Variants in ARB2A observed in about 807,000 individuals in gnomAD.
The protein encoded by ARB2A is ARB2 cotranscriptional regulator A.
At chr5:93,846,972 G>C in the ARB2A span, among the ~76,000 whole-genome samples, 2 of 152,164 alleles carry the variant, frequency 1.3e-5, no homozygotes, top group African/African-American at 4.8e-5. Flanking sequence ...TTTACCCACA[G>C]TAGAACTTCT....
chr5:93,938,303 CA>C, the ARB2A span, among the ~76,000 whole-genome samples: 30 of 151,726 alleles, frequency 2.0e-4, no homozygotes, highest in Admixed American at 1.2e-3. Flanking sequence ...AATTTAATCA[CA>C]AAAAAAAGTT....
chr5:94,096,150 CA>C, the ARB2A span, among the ~76,000 whole-genome samples: 4 of 152,098 alleles, frequency 2.6e-5, no homozygotes, highest in Admixed American at 6.5e-5. Flanking sequence ...ATAGTACAGG[CA>C]AAAATGATGA....
At chr5:93,927,111 T>C in the ARB2A span, among the ~76,000 whole-genome samples, 1 of 148,778 alleles carries the variant, frequency 6.7e-6, no homozygotes, top group Non-Finnish European at 1.5e-5. Flanking sequence ...AGCAAGTAAA[T>C]ATGTAAGTAG....
the ARB2A span, among the ~76,000 whole-genome samples, chr5:93,930,866 A>ACTT: frequency 6.6e-6 from 1 of 152,190 alleles, no homozygotes; most frequent in Non-Finnish European, 1.5e-5. Context: ...CAAGTGCAGA[A>ACTT]CGTGTAGGTT....
chr5:94,047,570 G>A, the ARB2A span, among the ~76,000 whole-genome samples: 1 of 151,952 alleles, frequency 6.6e-6, no homozygotes, highest in East Asian at 1.9e-4. Flanking sequence ...ACACAAATGT[G>A]AAAGCAGGCA....
At chr5:93,926,822 G>A in the ARB2A span, among the ~76,000 whole-genome samples, 5 of 151,588 alleles carry the variant, frequency 3.3e-5, no homozygotes, top group African/African-American at 9.7e-5. Flanking sequence ...GCCCAAGCAG[G>A]GCCATGATTG....
At chr5:93,957,399 C>T in the ARB2A span, among the ~76,000 whole-genome samples, 3 of 151,904 alleles carry the variant, frequency 2.0e-5, no homozygotes, top group Admixed American at 6.6e-5. Context: ...AATGTTCTTC[C>T]GAAAATACAT....
the ARB2A span, among the ~76,000 whole-genome samples, chr5:93,639,969 C>A: frequency 1.4e-5 from 2 of 147,032 alleles, no homozygotes; most frequent in South Asian, 2.2e-4. Context: ...GGCTTGAATC[C>A]GGGAGGCGGA....
At chr5:94,055,097 CA>C in the ARB2A span, among the ~76,000 whole-genome samples, 10 of 152,114 alleles carry the variant, frequency 6.6e-5, no homozygotes, top group African/African-American at 2.4e-4. Context: ...TAGGATGAGG[CA>C]AAAGTTCTCA....
chr5:94,030,722 C>G, the ARB2A span, among the ~76,000 whole-genome samples: 5 of 152,150 alleles, frequency 3.3e-5, no homozygotes, highest in Admixed American at 2.6e-4. Context: ...GGAGGTGGAG[C>G]CTTTAAGAGG....
the ARB2A span, among the ~76,000 whole-genome samples, chr5:93,686,646 T>C: frequency 6.6e-6 from 1 of 152,204 alleles, no homozygotes; most frequent in African/African-American, 2.4e-5. Flanking sequence ...TGTGTTTTCC[T>C]AATCTGCTAG....
At chr5:93,927,383 C>T in the ARB2A span, among the ~76,000 whole-genome samples, 1 of 152,152 alleles carries the variant, frequency 6.6e-6, no homozygotes, top group Admixed American at 6.5e-5. Flanking sequence ...CATTCTTCCC[C>T]AGCATAGGGA....
the ARB2A span, among the ~76,000 whole-genome samples, chr5:94,099,444 G>C: frequency 0.014 from 2,115 of 151,450 alleles, 54 homozygotes; most frequent in African/African-American, 0.048. Context: ...CTAACACGGA[G>C]AAACCCCGCC....
At chr5:94,072,877 CATT>C in the ARB2A span, among the ~76,000 whole-genome samples, 1 of 152,138 alleles carries the variant, frequency 6.6e-6, no homozygotes, top group Non-Finnish European at 1.5e-5. Context: ...TTACCATCTT[CATT>C]ATTACAGCAA....
chr5:93,881,357 AATG>A, the ARB2A span: 2 of 786,222 alleles, frequency 2.5e-6, no homozygotes, highest in Non-Finnish European at 3.9e-6. Flanking sequence ...ATGGGAAATA[AATG>A]ATGACAAATA....
the ARB2A span, among the ~76,000 whole-genome samples, chr5:94,106,300 T>TA: frequency 6.6e-6 from 1 of 151,044 alleles, no homozygotes; most frequent in African/African-American, 2.4e-5. Context: ...AAAAAACCCA[T>TA]AAAAAATGGG....
At chr5:93,732,044 A>G in the ARB2A span, among the ~76,000 whole-genome samples, 853 of 152,326 alleles carry the variant, frequency 5.6e-3, 7 homozygotes, top group African/African-American at 0.02. Context: ...CTAGCTGGAA[A>G]GTGAGGTGGC....
At chr5:93,959,147 T>C in the ARB2A span, among the ~76,000 whole-genome samples, 1 of 152,168 alleles carries the variant, frequency 6.6e-6, no homozygotes, top group Admixed American at 6.5e-5. Context: ...TATATATTAG[T>C]TGGATGGGAC....
chr5:93,816,559 A>G, the ARB2A span, among the ~76,000 whole-genome samples: 2 of 152,204 alleles, frequency 1.3e-5, no homozygotes, highest in African/African-American at 4.8e-5. Context: ...TCTCTCAGCT[A>G]CAAACAATGC....
Sources: allele counts gnomAD v4.1 joint callset (sites outside exome capture counted in the v4.1 genomes callset), GRCh38; gene constraint gnomAD v4.1.1; transcripts MANE v1.5; gene names NCBI Gene and HGNC (gene_info 2026-07-23, HGNC 2026-07-21).